The following ZIC5 variants were observed in gnomAD, a reference collection of about 807,000 sequenced individuals.
ZIC5 encodes zinc finger protein ZIC 5.
ZIC5 carries 20 observed loss-of-function variants against 28.5 expected under a neutral mutation model. The observed-to-expected ratio is 0.70, with a 90% confidence interval of 0.49 to 1.02. ZIC5 has a LOEUF of 1.02. ZIC5 is among the 50% of genes least tolerant of loss of function. ZIC5 has a pLI of 0.00. For missense variants in ZIC5, 951 were observed against 899.7 expected (o/e 1.06, Z -0.73); for synonymous variants, 488 against 410.4 (o/e 1.19, Z -2.29).
At position 99,970,916 on chromosome 13, in the gene ZIC5, T is replaced by C; in HGVS notation, c.688A>G (p.Ser230Gly). Residue 230 changes from serine to glycine, a missense_variant, in exon 1 of 2, where the codon AGC becomes GGC. Around this residue, in one of 3 missense-constraint regions of ZIC5, gnomAD observed 784 missense variants for 660.1 expected, o/e 1.19. Coordinates refer to ENST00000267294, the MANE Select transcript of ZIC5 (RefSeq NM_033132.5). ...ASGTYAGPDG[S>G]GGPALFPALH... Reference sequence around the variant, plus strand: ...GCGGGGAAGAGCGCCGGGCCGCCGCTGCCGTCCGGGCCCGCGTAGGTGCCG... The same window carrying C: ...GCGGGGAAGAGCGCCGGGCCGCCGCCGCCGTCCGGGCCCGCGTAGGTGCCG... 1.5e-6 allele frequency: 2 copies of C among 1,364,030 alleles called. No individual in the cohort carries two copies. The highest frequency in any genetic ancestry group is 3.1e-5 in the African/African-American group (2 of 64,378). The allele number at this position is 1,364,030 out of a possible 1,614,324, so 84.5% of individuals were successfully genotyped here.
At position 99,970,657 on chromosome 13, in the gene ZIC5, G is replaced by C; in HGVS notation, c.947C>G (p.Ala316Gly). The C allele has an allele frequency of 8.7e-7, 1 of 1,144,566 alleles. No homozygotes were observed. Among genetic ancestry groups the C allele is most frequent in the Non-Finnish European group, 1.1e-6 (1 of 925,630 alleles). The allele number at this position is 1,144,566 out of a possible 1,614,324, so 70.9% of individuals were successfully genotyped here. A position where few individuals can be genotyped will look rare whatever the true frequency, so the allele number is the denominator to read the frequency against. Residue 316 changes from alanine (A) to glycine (G), a missense_variant, in exon 1 of 2, where the codon GCG (alanine) becomes GGG (glycine). Ala to Gly is a moderately conservative substitution (Grantham distance 60). Around this residue, in one of 3 missense-constraint regions of ZIC5, gnomAD observed 784 missense variants for 660.1 expected, o/e 1.19. Coordinates refer to ENST00000267294, the MANE Select transcript of ZIC5 (RefSeq NM_033132.5). ...VNLNLNLAAAAAAAAAGPGPH... is the reference protein window; with the variant it reads ...VNLNLNLAAAGAAAAAGPGPH... The stretch of plus-strand genomic sequence containing the variant: ...CCCGGGCCCGGCCGCTGCTGCGGCC[G>C]CCGCAGCCGCCAGGTTCAGGTTTAA...
At chr13:99,967,209 A>G (rs1184000634) in intron 1 of ZIC5, among the ~76,000 whole-genome samples, 1 of 152,252 alleles carries the variant, frequency 6.6e-6, no homozygotes, top group African/African-American at 2.4e-5. Flanking sequence ...TTCGCCAACG[A>G]TAACTGCTTC....
intron 1 of ZIC5, among the ~76,000 whole-genome samples, chr13:99,968,037 G>A (rs943430266): frequency 6.6e-6 from 1 of 152,212 alleles, no homozygotes; most frequent in Non-Finnish European, 1.5e-5. Flanking sequence ...AGCGCGAGTC[G>A]GGCCCGCGGG....
At chr13:99,967,982 T>C (rs1255767784) in intron 1 of ZIC5, among the ~76,000 whole-genome samples, 1 of 152,186 alleles carries the variant, frequency 6.6e-6, no homozygotes, top group South Asian at 2.1e-4. Context: ...AGTAAGGAAC[T>C]ACTTGCGGAC....
In ZIC5 at chr13:99,970,572, C is replaced by A; in HGVS notation, c.1032G>T (p.Gln344His). ...GGTGGGGGTGGTGCTGGTGCGGGTG[C>A]TGCGCGGGCGCCGGCGGCGGCGGCG... ...PAPPPPPAPA[Q>H]HPHQHHPHLP... The change falls in exon 1 of 2, where the codon CAG becomes CAT. Residue 344 changes from glutamine to histidine, a missense_variant. Physicochemically the swap from Gln to His is conservative, Grantham distance 24. Transcript: ENST00000267294. 9.8e-7 allele frequency: 1 copy of A among 1,017,492 alleles called. No individual in the cohort carries two copies. The highest frequency in any genetic ancestry group is 1.2e-6 in the Non-Finnish European group (1 of 853,706). 63.0% of individuals were successfully genotyped at this position (1,017,492 alleles called of 1,614,324 possible).
chr13:99,970,974 A>G lies in ZIC5; in HGVS notation c.630T>C (p.Pro210=). Residue 210 remains proline, a synonymous_variant, in exon 1 of 2, where the codon CCT becomes CCC. Coordinates refer to ENST00000267294, the MANE Select transcript of ZIC5 (RefSeq NM_033132.5). ...GTGSPQHPAP[P]PHSAGMFISA... ...AGATGAACATGCCGGCCGAGTGGGG[A>G]GGCGGGGCCGGGTGCTGGGGGGAGC... is the stretch of plus-strand genomic sequence containing the variant. 7.1e-7 allele frequency: 1 copy of G among 1,398,820 alleles called. No individual in the cohort carries two copies. Among genetic ancestry groups the G allele is most frequent in the Non-Finnish European group, 9.2e-7 (1 of 1,088,922 alleles). The allele number at this position is 1,398,820 out of a possible 1,614,324, so 86.7% of individuals were successfully genotyped here.
rs1348984894 is a variant in ZIC5, at chr13:99,971,442, C to T, written c.162G>A (p.Arg54=). 3 of 1,545,132 alleles carry T rather than the reference C, an allele frequency of 1.9e-6. No individual in the cohort carries two copies. Among genetic ancestry groups the T allele is most frequent in the Admixed American group, 3.9e-5 (2 of 50,844 alleles). The part of the protein sequence containing the change: ...LRAAVAHLRL[R]DLGADPGVAT... ...CCACGCCGGGGTCAGCGCCCAGGTC[C>T]CGCAGGCGGAGGTGCGCGACGGCGG... The change falls in exon 1 of 2, where the codon CGG becomes CGA. Residue 54 remains arginine (R), a synonymous_variant. Transcript: ENST00000267294.
rs1051681161 is a variant in ZIC5, at chr13:99,963,295, A to G, written c.*2082T>C. The G allele has an allele frequency of 1.3e-5, 2 of 152,644 alleles. No homozygotes were observed. The highest frequency in any genetic ancestry group is 2.9e-5 in the Non-Finnish European group (2 of 68,028). 9.5% of individuals were successfully genotyped at this position (152,644 alleles called of 1,614,324 possible). A position where few individuals can be genotyped will look rare whatever the true frequency, so the allele number is the denominator to read the frequency against. ...TATACATCAGGAATATTTTGTTCTA[A>G]TAAGTTTACGATACATAAATTATCC... On this transcript the variant is annotated 3_prime_UTR_variant, in exon 2 of 2. Coordinates refer to ENST00000267294, the MANE Select transcript of ZIC5 (RefSeq NM_033132.5).
At position 99,965,621 on chromosome 13, in the gene ZIC5, G is replaced by A. The variant is rs777251802; in HGVS notation, c.1676C>T (p.Pro559Leu). The A allele has an allele frequency of 1.2e-6, 2 of 1,614,176 alleles. No individual in the cohort carries two copies. Among genetic ancestry groups the A allele is most frequent in the East Asian group, 4.5e-5 (2 of 44,878 alleles). The change falls in exon 2 of 2, where the codon CCA (proline) becomes CTA (leucine). Residue 559 changes from proline (P) to leucine (L), a missense_variant. Physicochemically the swap from Pro to Leu is moderately conservative, Grantham distance 98 (BLOSUM62 -3). Coordinates refer to ENST00000267294, the MANE Select transcript of ZIC5 (RefSeq NM_033132.5). The stretch of plus-strand genomic sequence containing the variant: ...CACTGATGAGTAACCAAGGGGTCCT[G>A]GAGAAGGTGGCGGGGACTTGCAGTG... ...KIHCKSPPPSPGPLGYSSVGT... is the reference protein window; with the variant it reads ...KIHCKSPPPSLGPLGYSSVGT...
chr13:99,970,529 C>A lies in ZIC5; in HGVS notation c.1075G>T (p.Ala359Ser). ...HHPHLPGAAG[A>S]FLRYMRQPIK... The stretch of plus-strand genomic sequence containing the variant: ...GGCTGCCGCATGTAGCGCAGGAAGG[C>A]CCCAGCCGCCCCTGGGAGGTGGGGG... Residue 359 changes from alanine (A) to serine (S), a missense_variant, in exon 1 of 2, where the codon GCC (alanine) becomes TCC (serine). Physicochemically the swap from Ala to Ser is moderately conservative, Grantham distance 99 (BLOSUM62 1). This residue lies in a region of ZIC5 where 784 missense variants were observed against 660.1 expected (regional missense o/e 1.19). Transcript: ENST00000267294. 9.0e-7 allele frequency: 1 copy of A among 1,112,802 alleles called. No homozygotes were observed. Among genetic ancestry groups the A allele is most frequent in the Admixed American group, 3.6e-5 (1 of 27,680 alleles). 68.9% of individuals were successfully genotyped at this position (1,112,802 alleles called of 1,614,324 possible).
chr13:99,971,339 C>G lies in ZIC5; in HGVS notation c.265G>C (p.Ala89Pro), dbSNP rs753520011. 7.1e-7 allele frequency: 1 copy of G among 1,406,648 alleles called. No homozygotes were observed. Among genetic ancestry groups the G allele is most frequent in the African/African-American group, 1.5e-5 (1 of 65,712 alleles). The allele number at this position is 1,406,648 out of a possible 1,614,324, so 87.1% of individuals were successfully genotyped here. ...GCGGCTGCCGGAGCCTCCGGGTGTG[C>G]CGGGAACGCCTGGGAGGGAGGGCTG... ...GLSPPSQAFP[A>P]HPEAPAAAAR... is the part of the protein sequence containing the mutation. Residue 89 changes from alanine (A) to proline (P), a missense_variant, in exon 1 of 2, where the codon GCA (alanine) becomes CCA (proline). Physicochemically the swap from Ala to Pro is conservative, Grantham distance 27. Around this residue, in one of 3 missense-constraint regions of ZIC5, gnomAD observed 784 missense variants for 660.1 expected, o/e 1.19. Transcript: ENST00000267294.
chr13:99,965,638 C>T lies in ZIC5; in HGVS notation c.1659G>A (p.Lys553=). 1 of 1,614,178 alleles carries T rather than the reference C, an allele frequency of 6.2e-7. No homozygotes were observed. The highest frequency in any genetic ancestry group is 8.5e-7 in the Non-Finnish European group (1 of 1,180,028). ...GGGGTCCTGGAGAAGGTGGCGGGGACTTGCAGTGAATCTTCATGTGCTTCC... is the reference window on the plus strand; with the variant it reads ...GGGGTCCTGGAGAAGGTGGCGGGGATTTGCAGTGAATCTTCATGTGCTTCC... ...SLRKHMKIHC[K]SPPPSPGPLG... Residue 553 remains lysine, a synonymous_variant, in exon 2 of 2, where the codon AAG becomes AAA. Coordinates refer to ENST00000267294, the MANE Select transcript of ZIC5 (RefSeq NM_033132.5).
In ZIC5 at chr13:99,965,589, G is replaced by C; in HGVS notation, c.1708C>G (p.Pro570Ala). The C allele has an allele frequency of 6.2e-7, 1 of 1,614,056 alleles. No individual in the cohort carries two copies. The highest frequency in any genetic ancestry group is 8.5e-7 in the Non-Finnish European group (1 of 1,179,964). ...ACAGGGGACAAGGGGGCGCCCACTG[G>C]AGTCCCCACTGATGAGTAACCAAGG... The part of the protein sequence containing the change: ...GPLGYSSVGT[P>A]VGAPLSPVLD... The change falls in exon 2 of 2, where the codon CCA (proline) becomes GCA (alanine). Residue 570 changes from proline to alanine, a missense_variant. Pro to Ala is a conservative substitution (Grantham distance 27). Coordinates refer to ENST00000267294, the MANE Select transcript of ZIC5 (RefSeq NM_033132.5).
chr13:99,965,230 A>T lies in ZIC5; in HGVS notation c.*147T>A, dbSNP rs1278835710. The T allele has an allele frequency of 1.8e-6, 1 of 568,472 alleles. No homozygotes were observed. The highest frequency in any genetic ancestry group is 3.3e-5 in the East Asian group (1 of 30,256). The allele number at this position is 568,472 out of a possible 1,614,324, so 35.2% of individuals were successfully genotyped here. A position where few individuals can be genotyped will look rare whatever the true frequency, so the allele number is the denominator to read the frequency against. On this transcript the variant is annotated 3_prime_UTR_variant, in exon 2 of 2. Coordinates refer to ENST00000267294, the MANE Select transcript of ZIC5 (RefSeq NM_033132.5). ...AATTAATTAAATGTACAAACACCAT[A>T]GGGTTTCATACTGAATAAATAGGGC...
In ZIC5 at chr13:99,965,702, C is replaced by G. The variant is rs760721933; in HGVS notation, c.1595G>C (p.Arg532Pro). 3 of 1,614,170 alleles carry G rather than the reference C, an allele frequency of 1.9e-6. No individual in the cohort carries two copies. The highest frequency in any genetic ancestry group is 8.5e-7 in the Non-Finnish European group (1 of 1,180,038). ...GTGAGTGTAGGATTTGTCACAGCCT[C>G]GAATCTTGCAGTAGTAGGGCTTGTC... ...TSDKPYYCKIRGCDKSYTHPS... is the reference protein window; with the variant it reads ...TSDKPYYCKIPGCDKSYTHPS... The change falls in exon 2 of 2, where the codon CGA becomes CCA. Residue 532 changes from arginine (R) to proline (P), a missense_variant. Physicochemically the swap from Arg to Pro is moderately radical, Grantham distance 103. Coordinates refer to ENST00000267294, the MANE Select transcript of ZIC5 (RefSeq NM_033132.5).
At position 99,970,631 on chromosome 13, in the gene ZIC5, G is replaced by C. The variant is rs2053146316; in HGVS notation, c.973C>G (p.Pro325Ala). Residue 325 changes from proline (P) to alanine (A), a missense_variant, in exon 1 of 2, where the codon CCC (proline) becomes GCC (alanine). By Grantham distance (27) the Pro-to-Ala change is conservative (BLOSUM62 -1). Coordinates refer to ENST00000267294, the MANE Select transcript of ZIC5 (RefSeq NM_033132.5). Reference protein sequence around the residue: ...AAAAAAAGPGPHLQHHAPPPA... With the variant: ...AAAAAAAGPGAHLQHHAPPPA... ...GGCGGCGCGTGGTGCTGCAGGTGGG[G>C]CCCGGGCCCGGCCGCTGCTGCGGCC... 14 of 1,095,228 alleles carry C rather than the reference G, an allele frequency of 1.3e-5. No individual in the cohort carries two copies. Among genetic ancestry groups the C allele is most frequent in the Non-Finnish European group, 1.6e-5 (14 of 899,486 alleles). 67.8% of individuals were successfully genotyped at this position (1,095,228 alleles called of 1,614,324 possible).
Position 99,965,287 on chromosome 13 carries a change from G to T in ZIC5, c.*90C>A. On this transcript the variant is annotated 3_prime_UTR_variant, in exon 2 of 2. Coordinates refer to ENST00000267294, the MANE Select transcript of ZIC5 (RefSeq NM_033132.5). ...GACCCGGTGGCAAGTCTGAGTCACGGGTTTGTCTCAGGCTCGGCATTGTCT... is the reference window on the plus strand; with the variant it reads ...GACCCGGTGGCAAGTCTGAGTCACGTGTTTGTCTCAGGCTCGGCATTGTCT... 1 of 1,288,758 alleles carries T rather than the reference G, an allele frequency of 7.8e-7. No individual in the cohort carries two copies. The highest frequency in any genetic ancestry group is 1.1e-6 in the Non-Finnish European group (1 of 942,422). The allele number at this position is 1,288,758 out of a possible 1,614,324, so 79.8% of individuals were successfully genotyped here.
Position 99,965,175 on chromosome 13 carries a change from A to AG in ZIC5, c.*201_*202insC. On this transcript the variant is annotated 3_prime_UTR_variant, in exon 2 of 2. Transcript: ENST00000267294. ...GTTTTTTGTTTGTTTTTTAAGAAAA[A>AG]AAAAAAAAAAAGCCCAAATATCTTA... 2.7e-6 allele frequency: 1 copy of AG among 370,460 alleles called. No individual in the cohort carries two copies. The highest frequency in any genetic ancestry group is 4.5e-6 in the Non-Finnish European group (1 of 224,518). 22.9% of individuals were successfully genotyped at this position (370,460 alleles called of 1,614,324 possible).
intron 1 of ZIC5, among the ~76,000 whole-genome samples, chr13:99,966,515 T>C (rs1220996988): frequency 6.6e-6 from 1 of 152,224 alleles, no homozygotes; most frequent in Non-Finnish European, 1.5e-5. Context: ...AACAGGCTGT[T>C]GACCTCTGCA....
Sources: allele counts gnomAD v4.1 joint callset (sites outside exome capture counted in the v4.1 genomes callset), GRCh38; gene constraint gnomAD v4.1.1; regional missense constraint gnomAD v4.1.1; transcripts MANE v1.5; gene names NCBI Gene and HGNC (gene_info 2026-07-23, HGNC 2026-07-21).